The following UBE2T variants were observed in gnomAD, a reference collection of about 807,000 sequenced individuals.
UBE2T encodes the protein ubiquitin conjugating enzyme E2 T.
Under a neutral mutation model 23.3 loss-of-function variants are expected in UBE2T, and 15 were observed. That is an observed-to-expected ratio of 0.64 (90% CI 0.43 to 0.99). UBE2T has a LOEUF of 0.99. Among genes scored for constraint, UBE2T ranks in the 50% least tolerant of loss-of-function variants. The probability of loss-of-function intolerance (pLI) is 0.00; values close to 1 mark genes in which losing one functional copy is unlikely to be tolerated. For synonymous variants in UBE2T, 67 were observed against 78.4 expected (o/e 0.85, Z 0.77); for missense variants, 197 against 234.9 (o/e 0.84, Z 1.05).
At chr1:202,338,447 C>A (rs1333971255) in intron 1 of UBE2T, among the ~76,000 whole-genome samples, 1 of 152,062 alleles carries the variant, frequency 6.6e-6, no homozygotes, top group Non-Finnish European at 1.5e-5. Flanking sequence ...TCTCGAACCA[C>A]GGACCTCAGG....
chr1:202,336,213 T>A (rs930725436), intron 1 of UBE2T, among the ~76,000 whole-genome samples: 2 of 16,482 alleles, frequency 1.2e-4, no homozygotes, highest in South Asian at 4.5e-3. Flanking sequence ...CACCCAGCTT[T>A]TTTTTTTTTT....
intron 6 of UBE2T, 48 bp from the exon 7 acceptor site, chr1:202,332,008 G>A: frequency 6.3e-7 from 1 of 1,594,230 alleles, no homozygotes; most frequent in South Asian, 1.1e-5. Context: ...ACAAATGCCA[G>A]GATGGAGAAA....
Position 202,331,956 on chromosome 1 carries a change from T to G in UBE2T, c.473A>C (p.Asp158Ala), listed in dbSNP as rs1449037897. 1 of 1,613,922 alleles carries G rather than the reference T, an allele frequency of 6.2e-7. No homozygotes were observed. Among genetic ancestry groups the G allele is most frequent in the Non-Finnish European group, 8.5e-7 (1 of 1,180,004 alleles). ...EKHARQKQKA[D>A]EEEMLDNLPE... ...TAGATTATCAAGCATCTCTTCCTCATCAGCCTAAAGAGGAGACAGGGTGAA... is the reference window on the plus strand; with the variant it reads ...TAGATTATCAAGCATCTCTTCCTCAGCAGCCTAAAGAGGAGACAGGGTGAA... The change falls in exon 7 of 7, where the codon GAT becomes GCT. Residue 158 changes from aspartate to alanine, a missense_variant. By Grantham distance (126) the Asp-to-Ala change is moderately radical. Coordinates refer to ENST00000646651, the MANE Select transcript of UBE2T (RefSeq NM_014176.4).
intron 1 of UBE2T, among the ~76,000 whole-genome samples, chr1:202,338,225 T>C (rs572974970): frequency 1.2e-4 from 18 of 152,316 alleles, no homozygotes; most frequent in Admixed American, 7.2e-4. Context: ...ATTGATTTTT[T>C]TTTATTTTTT....
chr1:202,331,994 T>C (rs1654762921), intron 6 of UBE2T, 34 bp from the exon 7 acceptor site: 1 of 1,607,004 alleles, frequency 6.2e-7, no homozygotes, highest in Non-Finnish European at 8.5e-7. Flanking sequence ...ACAGTAAGGT[T>C]CACACAAATG....
At chr1:202,334,416 C>T (rs528983919) in intron 3 of UBE2T, among the ~76,000 whole-genome samples, 2 of 152,282 alleles carry the variant, frequency 1.3e-5, no homozygotes, top group South Asian at 4.1e-4. Context: ...GGCAAAACTA[C>T]TGGATACTAG....
Position 202,335,592 on chromosome 1 carries a change from G to A in UBE2T, c.109+54C>T, listed in dbSNP as rs1654862132. 1.3e-6 allele frequency: 2 copies of A among 1,547,746 alleles called. No homozygotes were observed. Among genetic ancestry groups the A allele is most frequent in the Admixed American group, 3.4e-5 (2 of 59,636 alleles). On this transcript the variant is annotated intron_variant, in intron 2 of 6. Transcript: ENST00000646651. The surrounding 1 kb of genome is among the most constrained non-coding windows in gnomAD (Gnocchi z 4.0). The stretch of plus-strand genomic sequence containing the variant: ...AGAATACACAAAATGTTTTATTTCA[G>A]CACAATCTTCAATAGGGTCATGACT...
Position 202,335,017 on chromosome 1 carries a change from A to T in UBE2T, c.151T>A (p.Phe51Ile). 2 of 1,612,888 alleles carry T rather than the reference A, an allele frequency of 1.2e-6. No individual in the cohort carries two copies. The highest frequency in any genetic ancestry group is 1.7e-6 in the Non-Finnish European group (2 of 1,179,412). ...TCAGGAATGATAACTTCTAGCTTAA[A>T]AACACCTTTCTCATAAGGTGTGTTG... is the stretch of plus-strand genomic sequence containing the variant. ...GANTPYEKGV[F>I]KLEVIIPERY... Residue 51 changes from phenylalanine (F) to isoleucine (I), a missense_variant, in exon 3 of 7, where the codon TTT becomes ATT. Physicochemically the swap from Phe to Ile is conservative, Grantham distance 21 (BLOSUM62 0). Transcript: ENST00000646651. This position sits in a 1 kb window ranked among gnomAD's most constrained non-coding sequence, Gnocchi z 4.0.
chr1:202,339,174 T>G (rs975904092), intron 1 of UBE2T, among the ~76,000 whole-genome samples: 5 of 151,772 alleles, frequency 3.3e-5, no homozygotes, highest in Admixed American at 3.3e-4. Flanking sequence ...ATCCTGGTGT[T>G]TTCATTTTGA....
In UBE2T at chr1:202,331,951, C is replaced by T. The variant is rs1266878292; in HGVS notation, c.478G>A (p.Glu160Lys). Residue 160 changes from glutamate (E) to lysine (K), a missense_variant, in exon 7 of 7, where the codon GAA (glutamate) becomes AAA (lysine). Physicochemically the swap from Glu to Lys is moderately conservative, Grantham distance 56. Coordinates refer to ENST00000646651, the MANE Select transcript of UBE2T (RefSeq NM_014176.4). ...TCTGGTAGATTATCAAGCATCTCTTCCTCATCAGCCTAAAGAGGAGACAGG... is the reference window on the plus strand; with the variant it reads ...TCTGGTAGATTATCAAGCATCTCTTTCTCATCAGCCTAAAGAGGAGACAGG... Reference protein sequence around the residue: ...HARQKQKADEEEMLDNLPEAG... With the variant: ...HARQKQKADEKEMLDNLPEAG... The T allele has an allele frequency of 1.2e-6, 2 of 1,614,088 alleles. No homozygotes were observed. Among genetic ancestry groups the T allele is most frequent in the Admixed American group, 3.3e-5 (2 of 60,016 alleles).
At chr1:202,340,953 C>T (rs982877745) in intron 1 of UBE2T, among the ~76,000 whole-genome samples, 2 of 152,180 alleles carry the variant, frequency 1.3e-5, no homozygotes, top group African/African-American at 4.8e-5. Context: ...CGCCTTATAT[C>T]CAGTATCTAC....
intron 1 of UBE2T, among the ~76,000 whole-genome samples, chr1:202,340,484 A>T (rs1364289952): frequency 6.6e-6 from 1 of 152,038 alleles, no homozygotes; most frequent in Non-Finnish European, 1.5e-5. Context: ...ACTGCACTCC[A>T]GCCTGGGTGG....
intron 3 of UBE2T, 80 bp downstream of exon 3, chr1:202,334,909 G>T: frequency 7.5e-7 from 1 of 1,327,552 alleles, no homozygotes; most frequent in Non-Finnish European, 1.1e-6. Flanking sequence ...AGTCCTTTAT[G>T]CTCTATCTAC....
intron 1 of UBE2T, among the ~76,000 whole-genome samples, chr1:202,340,866 T>A (rs1654986606): frequency 1.3e-5 from 2 of 152,234 alleles, no homozygotes; most frequent in Non-Finnish European, 2.9e-5. Context: ...GCATATGCCA[T>A]TCTTTGGCTC....
At position 202,333,290 on chromosome 1, in the gene UBE2T, TAG is replaced by T. The variant is rs1654807932; in HGVS notation, c.329_330del (p.Ser110TyrfsTer11). 6.2e-7 allele frequency: 1 copy of T among 1,614,062 alleles called. No homozygotes were observed. The highest frequency in any genetic ancestry group is 1.7e-5 in the Admixed American group (1 of 59,990). ...TTGGGTTCTGACATGAGCAGCTGAATAGAGGTCAACACAGTTGCGATGTTGAG... is the reference window on the plus strand; with the variant it reads ...TTGGGTTCTGACATGAGCAGCTGAATAGGTCAACACAGTTGCGATGTTGAG... Reference protein sequence around the residue: ...PSLNIATVLTSIQLLMSEPNP... With the variant: ...PSLNIATVLTXIQLLMSEPNP... On this transcript the variant is annotated frameshift_variant, in exon 5 of 7. Coordinates refer to ENST00000646651, the MANE Select transcript of UBE2T (RefSeq NM_014176.4). LOFTEE classifies it high-confidence loss of function.
intron 1 of UBE2T, among the ~76,000 whole-genome samples, chr1:202,339,684 G>T (rs1654958564): frequency 6.7e-6 from 1 of 150,260 alleles, no homozygotes; most frequent in African/African-American, 2.4e-5. Flanking sequence ...ACAATACAGT[G>T]TAACAACAAT....
chr1:202,335,835 G>A lies in UBE2T; in HGVS notation c.-64-17C>T. The A allele has an allele frequency of 1.5e-6, 2 of 1,290,570 alleles. No individual in the cohort carries two copies. The highest frequency in any genetic ancestry group is 1.8e-5 in the Admixed American group (1 of 54,466). 79.9% of individuals were successfully genotyped at this position (1,290,570 alleles called of 1,614,324 possible). On this transcript the variant is annotated splice_polypyrimidine_tract_variant and intron_variant, in intron 1 of 6. Transcript: ENST00000646651. The surrounding 1 kb of genome is among the most constrained non-coding windows in gnomAD (Gnocchi z 4.0). ...TGGGATGCACTGGAGGAGAAAAGAG[G>A]TGACCATAAAATCATCAGCAATAAT...
At position 202,333,018 on chromosome 1, in the gene UBE2T, TCTGTCTTGCATGCTTCTCTGTCCA is replaced by T; in HGVS notation, c.436_459del (p.Trp146_Gln153del). On this transcript the variant is annotated inframe_deletion, in exon 6 of 7. Coordinates refer to ENST00000646651, the MANE Select transcript of UBE2T (RefSeq NM_014176.4). ...AGTAGCAAACATTATACCTTTTGTT[TCTGTCTTGCATGCTTCTCTGTCCA>T]CTGTCTGGCATTCTTGAGGAAGGCT... The T allele has an allele frequency of 6.2e-7, 1 of 1,612,706 alleles. No individual in the cohort carries two copies. The highest frequency in any genetic ancestry group is 1.1e-5 in the South Asian group (1 of 91,042).
chr1:202,339,630 G>A (rs908612376), intron 1 of UBE2T, among the ~76,000 whole-genome samples: 12 of 139,844 alleles, frequency 8.6e-5, no homozygotes, highest in Non-Finnish European at 1.1e-4. Flanking sequence ...AAACATCTTC[G>A]TCCAAACACG....
Sources: gnomAD v4.1 joint callset for allele counts (sites outside exome capture counted in the v4.1 genomes callset) on GRCh38, gnomAD v4.1.1 for gene constraint, Gnocchi (gnomAD v3.1) non-coding constraint, MANE v1.5 for transcripts, NCBI Gene and HGNC (gene_info 2026-07-23, HGNC 2026-07-21) for gene names.